Variants in ADAMTSL1 observed in about 807,000 individuals in gnomAD.
ADAMTSL1 encodes the protein ADAMTS-like protein 1.
A neutral mutation model predicts 201.8 loss-of-function variants in ADAMTSL1; 126 were observed. The observed-to-expected ratio is 0.62, with a 90% CI of 0.54 to 0.72. The LOEUF is 0.72. Ranked by LOEUF, ADAMTSL1 falls within the 30% of genes least tolerant of loss-of-function variation. The pLI, the probability that ADAMTSL1 is intolerant of heterozygous loss-of-function variation, is 0.00. For synonymous variants in ADAMTSL1, 1,121 were observed against 903.4 expected, an observed-to-expected ratio of 1.24 and a Z score of -4.32; for missense variants, 2,679 against 2,277.8, an observed-to-expected ratio of 1.18 and a Z score of -3.59.
chr9:18,417,367 G>GAAAAAAAAAAAAAAAAAAAAAAAA (rs80226819), intron 2 of ADAMTSL1, among the ~76,000 whole-genome samples: 1 of 64,692 alleles, frequency 1.5e-5, no homozygotes, highest in Non-Finnish European at 3.2e-5. Context: ...AAGTAAGCAG[G>GAAAAAAAAAAAAAAAAAAAAAAAA]AAAAAAAAAA....
chr9:18,777,077 G>T lies in ADAMTSL1; in HGVS notation c.2848G>T (p.Gly950Cys). ...TGCAGGCGTCTACACCTGCTCAGCG[G>T]GCCCGGCCCGGGAGCACTTTGTGAT... is the stretch of plus-strand genomic sequence containing the variant. ...SDAGVYTCSA[G>C]PAREHFVIKL... is the part of the protein sequence containing the mutation. Residue 950 changes from glycine (G) to cysteine (C), a missense_variant, in exon 19 of 29, where the codon GGC becomes TGC. By Grantham distance (159) the Gly-to-Cys change is radical. Coordinates refer to ENST00000380548, the MANE Select transcript of ADAMTSL1 (RefSeq NM_001040272.6). 1.9e-6 allele frequency: 3 copies of T among 1,613,276 alleles called. No individual in the cohort carries two copies. The highest frequency in any genetic ancestry group is 2.5e-6 in the Non-Finnish European group (3 of 1,179,800).
intron 2 of ADAMTSL1, among the ~76,000 whole-genome samples, chr9:18,232,555 T>C (rs1018153062): frequency 6.6e-6 from 1 of 152,248 alleles, no homozygotes; most frequent in Non-Finnish European, 1.5e-5. Flanking sequence ...GACTATTGCA[T>C]AGTTAAAACT....
At chr9:18,513,814 G>A (rs1272453693) in intron 2 of ADAMTSL1, among the ~76,000 whole-genome samples, 2 of 152,006 alleles carry the variant, frequency 1.3e-5, no homozygotes, top group African/African-American at 2.4e-5. Context: ...GTGTTCTATT[G>A]GTGTATATGT....
rs141658759 is a variant in ADAMTSL1 at position 18,049,564 on chromosome 9, G to C, written c.88-114298G>C. Among the ~76,000 whole-genome samples the C allele has an allele frequency of 4.0e-3, 601 of 151,780 alleles. 3 individuals carry two copies. Among genetic ancestry groups the C allele is most frequent in the African/African-American group, 0.013 (555 of 41,408 alleles). On this transcript the variant is annotated intron_variant, in intron 1 of 29. Coordinates refer to the ADAMTSL1 transcript ENST00000680146. Reference sequence around the variant, plus strand: ...CACTTTATGGGACCAGCAGAGCCCAGTGGTAGAGTCCTGATGGAACTAACT... The same window carrying C: ...CACTTTATGGGACCAGCAGAGCCCACTGGTAGAGTCCTGATGGAACTAACT...
At chr9:18,714,728 A>C (rs1442780321) in intron 14 of ADAMTSL1, among the ~76,000 whole-genome samples, 3 of 151,992 alleles carry the variant, frequency 2.0e-5, no homozygotes, top group African/African-American at 7.3e-5. Context: ...AAAAGAGGGA[A>C]TCCTCCCTAA....
At chr9:18,831,725 G>A (rs972078199) in intron 23 of ADAMTSL1, among the ~76,000 whole-genome samples, 3 of 152,176 alleles carry the variant, frequency 2.0e-5, no homozygotes, top group African/African-American at 4.8e-5. Flanking sequence ...ATGAGACAGT[G>A]AGTCAGTATT....
In ADAMTSL1 at chr9:18,739,829, G is replaced by T. The variant is rs115484413; in HGVS notation, c.2007-13469G>T. Reference sequence around the variant, plus strand: ...CAGCAGGCACTGCCCACAGGGGTGTGTATGTGTATGTATCACGCATATGCA... The same window carrying T: ...CAGCAGGCACTGCCCACAGGGGTGTTTATGTGTATGTATCACGCATATGCA... On this transcript the variant is annotated intron_variant, in intron 15 of 28. Transcript: ENST00000380548. 2.0e-3 allele frequency among the ~76,000 whole-genome samples: 304 copies of T among 152,224 alleles called. 3 individuals carry two copies. Among genetic ancestry groups the T allele is most frequent in the African/African-American group, 6.9e-3 (287 of 41,524 alleles).
At chr9:18,451,955 G>A (rs1408854329) in intron 2 of ADAMTSL1, among the ~76,000 whole-genome samples, 1 of 152,180 alleles carries the variant, frequency 6.6e-6, no homozygotes, top group African/African-American at 2.4e-5. Context: ...TTGTTTCCCA[G>A]GCTGGTGTGC....
intron 1 of ADAMTSL1, among the ~76,000 whole-genome samples, chr9:18,110,293 T>A (rs542707004): frequency 8.5e-5 from 13 of 152,308 alleles, no homozygotes; most frequent in Non-Finnish European, 1.6e-4. Context: ...TCCATGATCA[T>A]TCAGTCCTCT....
intron 4 of ADAMTSL1, among the ~76,000 whole-genome samples, chr9:18,591,859 C>T (rs1226936808): frequency 6.6e-6 from 1 of 152,170 alleles, no homozygotes; most frequent in Non-Finnish European, 1.5e-5. Context: ...GTTGTGGAGG[C>T]ATTTTCCCTG....
intron 20 of ADAMTSL1, among the ~76,000 whole-genome samples, chr9:18,815,868 A>G (rs1442628149): frequency 1.3e-5 from 2 of 152,090 alleles, no homozygotes; most frequent in Non-Finnish European, 2.9e-5. Flanking sequence ...AAATTTTTTC[A>G]TTGACACATA....
At chr9:17,974,107 G>T (rs1162278783) in intron 1 of ADAMTSL1, among the ~76,000 whole-genome samples, 3 of 151,922 alleles carry the variant, frequency 2.0e-5, no homozygotes, top group Non-Finnish European at 4.4e-5. Context: ...AAAATAATAA[G>T]AGCTATCTAT....
chr9:18,086,310 T>A (rs938407461), intron 1 of ADAMTSL1, among the ~76,000 whole-genome samples: 3 of 152,096 alleles, frequency 2.0e-5, no homozygotes, highest in Non-Finnish European at 4.4e-5. Flanking sequence ...CATTTGCCAG[T>A]TGTGTTGCAG....
intron 2 of ADAMTSL1, among the ~76,000 whole-genome samples, chr9:18,418,464 C>T (rs549388377): frequency 6.6e-6 from 1 of 152,152 alleles, no homozygotes; most frequent in Non-Finnish European, 1.5e-5. Flanking sequence ...CTATGTAGAA[C>T]ATCCCAAGGA....
intron 1 of ADAMTSL1, among the ~76,000 whole-genome samples, chr9:18,049,619 C>CTTTTTTTT (rs61679017): frequency 7.0e-6 from 1 of 143,736 alleles, no homozygotes; most frequent in African/African-American, 2.6e-5. Context: ...ACTTCTTATT[C>CTTTTTTTT]TTTTTTTTTT....
chr9:18,677,260 T>C (rs1830181079), intron 10 of ADAMTSL1, among the ~76,000 whole-genome samples: 1 of 151,972 alleles, frequency 6.6e-6, no homozygotes, highest in African/African-American at 2.4e-5. Flanking sequence ...CACTCCTACT[T>C]TCCTATGACT....
intron 2 of ADAMTSL1, among the ~76,000 whole-genome samples, chr9:18,271,395 A>G (rs949230908): frequency 2.6e-5 from 4 of 151,864 alleles, no homozygotes; most frequent in Non-Finnish European, 5.9e-5. Flanking sequence ...CTCATTGTTC[A>G]ATTCCCACCT....
chr9:18,089,169 G>C (rs565723700), intron 1 of ADAMTSL1, among the ~76,000 whole-genome samples: 1 of 152,102 alleles, frequency 6.6e-6, no homozygotes, highest in African/African-American at 2.4e-5. Context: ...CCAAAAAAAA[G>C]AAAACAAAAA....
intron 1 of ADAMTSL1, among the ~76,000 whole-genome samples, chr9:18,066,581 T>G (rs1446842915): frequency 6.6e-6 from 1 of 152,234 alleles, no homozygotes; most frequent in Non-Finnish European, 1.5e-5. Context: ...AATTAAAAAT[T>G]GCTATTCTCA....
Sources: gnomAD v4.1 joint callset for allele counts (sites outside exome capture counted in the v4.1 genomes callset) on GRCh38, gnomAD v4.1.1 for gene constraint, MANE v1.5 for transcripts, NCBI Gene and HGNC (gene_info 2026-07-23, HGNC 2026-07-21) for gene names.